The following DESI2 variants were observed in gnomAD, a reference collection of about 807,000 sequenced individuals.
DESI2 encodes the protein deubiquitinase DESI2.
DESI2 carries 10 observed loss-of-function variants against 24.1 expected under a neutral mutation model. That is an observed-to-expected ratio of 0.41 (90% CI 0.26 to 0.70). The LOEUF (loss-of-function observed/expected upper bound fraction) is 0.70, where lower values mean the gene tolerates loss of function less well. DESI2 is among the 30% of genes least tolerant of loss of function. DESI2 has a pLI of 0.29. For synonymous variants in DESI2, 71 were observed against 87.7 expected, an observed-to-expected ratio of 0.81 and a Z score of 1.06; for missense variants, 122 against 234.9, an observed-to-expected ratio of 0.52 and a Z score of 3.14.
chr1:244,679,331 G>A (rs1478131382), intron 1 of DESI2, among the ~76,000 whole-genome samples: 1 of 152,210 alleles, frequency 6.6e-6, no homozygotes, highest in Admixed American at 6.5e-5. Context: ...GTAAGGAGGC[G>A]AGGACTAGAT....
chr1:244,699,952 A>C (rs1249647987), intron 4 of DESI2, among the ~76,000 whole-genome samples: 3 of 152,216 alleles, frequency 2.0e-5, no homozygotes, highest in African/African-American at 7.2e-5. Context: ...CACTTCCCAC[A>C]CGGAACACCT....
In DESI2 at chr1:244,673,395, GTGCTAC is replaced by G. The variant is rs527347760; in HGVS notation, c.43-13199_43-13194del. On this transcript the variant is annotated intron_variant, in intron 1 of 4. Transcript: ENST00000302550. ...ATATTCTAAACATTTATTCAGAAATGTGCTACTGTTCATATGTGAAGTGGCTGACCA... is the reference window on the plus strand; with the variant it reads ...ATATTCTAAACATTTATTCAGAAATGTGTTCATATGTGAAGTGGCTGACCA... 2.7e-3 allele frequency among the ~76,000 whole-genome samples: 416 copies of G among 152,352 alleles called. 3 individuals carry two copies. Among genetic ancestry groups the G allele is most frequent in the African/African-American group, 9.6e-3 (399 of 41,580 alleles).
At position 244,666,212 on chromosome 1, in the gene DESI2, C is replaced by A. The variant is rs546686732; in HGVS notation, c.42+12857C>A. 6.0e-4 allele frequency among the ~76,000 whole-genome samples: 92 copies of A among 152,240 alleles called. 2 individuals carry two copies. The South Asian group carries it at 0.019, about 31-fold the overall frequency. On this transcript the variant is annotated intron_variant, in intron 1 of 4. Transcript: ENST00000302550. ...TGAAGAGAAAAGAAAAGGCAGTTTTCTCATCCTTCCACCACCACTGTTTTA... is the reference window on the plus strand; with the variant it reads ...TGAAGAGAAAAGAAAAGGCAGTTTTATCATCCTTCCACCACCACTGTTTTA...
At chr1:244,673,597 G>C (rs1337105720) in intron 1 of DESI2, among the ~76,000 whole-genome samples, 1 of 152,204 alleles carries the variant, frequency 6.6e-6, no homozygotes, top group Non-Finnish European at 1.5e-5. Flanking sequence ...GGTATAGAGA[G>C]TTCAAGAAAC....
At chr1:244,686,561 C>A (rs752154849) in intron 1 of DESI2, 36 bp from the exon 2 acceptor site, 8 of 1,365,926 alleles carry the variant, frequency 5.9e-6, no homozygotes, top group Middle Eastern at 1.8e-4. Flanking sequence ...TGTAAATGAA[C>A]AGGTATTCTG....
intron 1 of DESI2, among the ~76,000 whole-genome samples, chr1:244,672,971 T>G (rs1676298153): frequency 6.6e-6 from 1 of 152,190 alleles, no homozygotes; most frequent in African/African-American, 2.4e-5. Context: ...GTTTCACAAC[T>G]GAAATCATTC....
chr1:244,694,370 A>C, intron 4 of DESI2: 2 of 613,756 alleles, frequency 3.3e-6, no homozygotes, highest in East Asian at 7.5e-5. Context: ...AAACTTTAGT[A>C]TTCATAAAAT....
chr1:244,687,603 T>C (rs1676867585), intron 2 of DESI2, among the ~76,000 whole-genome samples: 1 of 152,238 alleles, frequency 6.6e-6, no homozygotes, highest in Non-Finnish European at 1.5e-5. Context: ...TACTTAAATG[T>C]GTCAGTATGG....
intron 1 of DESI2, among the ~76,000 whole-genome samples, chr1:244,656,887 G>T (rs992393607): frequency 7.9e-5 from 12 of 152,062 alleles, no homozygotes; most frequent in Admixed American, 3.9e-4. Flanking sequence ...TGATTCTCCC[G>T]CCTCAGCCTG....
At chr1:244,662,613 A>G (rs1259947790) in intron 1 of DESI2, among the ~76,000 whole-genome samples, 1 of 152,222 alleles carries the variant, frequency 6.6e-6, no homozygotes, top group African/African-American at 2.4e-5. Flanking sequence ...AATAAAGCTA[A>G]TAAAATATAT....
chr1:244,669,389 A>G (rs1033539678), intron 1 of DESI2, among the ~76,000 whole-genome samples: 7 of 151,996 alleles, frequency 4.6e-5, no homozygotes, highest in African/African-American at 1.7e-4. Flanking sequence ...AAAAAAAGAA[A>G]CTAGACTGGC....
At chr1:244,686,448 G>A (rs1676827457) in intron 1 of DESI2, 149 bp from the exon 2 acceptor site, 2 of 585,014 alleles carry the variant, frequency 3.4e-6, no homozygotes, top group African/African-American at 3.8e-5. Flanking sequence ...ATGTGGTACA[G>A]GCAAAGGCAC....
At chr1:244,662,876 C>T (rs1212057390) in intron 1 of DESI2, among the ~76,000 whole-genome samples, 1 of 152,024 alleles carries the variant, frequency 6.6e-6, no homozygotes, top group Non-Finnish European at 1.5e-5. Flanking sequence ...AAATGTACAG[C>T]AAGAAACAAG....
chr1:244,668,127 C>G (rs960449628), intron 1 of DESI2, among the ~76,000 whole-genome samples: 6 of 152,186 alleles, frequency 3.9e-5, no homozygotes, highest in Non-Finnish European at 8.8e-5. Context: ...GTGAATTAAT[C>G]ATCTTTGTAT....
intron 1 of DESI2, among the ~76,000 whole-genome samples, chr1:244,665,490 C>G (rs1676009819): frequency 6.6e-6 from 1 of 152,224 alleles, no homozygotes; most frequent in African/African-American, 2.4e-5. Flanking sequence ...GATCTAAAAA[C>G]TGCCCTGCCT....
chr1:244,667,047 A>G (rs916095563), intron 1 of DESI2, among the ~76,000 whole-genome samples: 1 of 152,150 alleles, frequency 6.6e-6, no homozygotes, highest in African/African-American at 2.4e-5. Context: ...GGGAGATACA[A>G]TACAAGTTGA....
intron 4 of DESI2, among the ~76,000 whole-genome samples, chr1:244,696,105 A>G (rs1311524548): frequency 6.6e-6 from 1 of 152,190 alleles, no homozygotes; most frequent in African/African-American, 2.4e-5. Flanking sequence ...CTGTATCTCT[A>G]AAAGATAAAG....
intron 1 of DESI2, among the ~76,000 whole-genome samples, chr1:244,666,140 C>T (rs761537360): frequency 2.6e-5 from 4 of 152,056 alleles, no homozygotes; most frequent in Admixed American, 6.5e-5. Context: ...TCTCCCCATT[C>T]CCTACTCTCA....
chr1:244,667,704 T>A (rs1282755450), intron 1 of DESI2, among the ~76,000 whole-genome samples: 1 of 152,222 alleles, frequency 6.6e-6, no homozygotes, highest in African/African-American at 2.4e-5. Context: ...AGCCTCTTGC[T>A]GCCCCCTCCT....
Sources: gnomAD v4.1 joint callset for allele counts (sites outside exome capture counted in the v4.1 genomes callset) on GRCh38, gnomAD v4.1.1 for gene constraint, MANE v1.5 for transcripts, NCBI Gene and HGNC (gene_info 2026-07-23, HGNC 2026-07-21) for gene names.